ARHGEF18: variants seen among roughly 807,000 people sequenced by gnomAD.
ARHGEF18 encodes rho guanine nucleotide exchange factor 18.
Under a neutral mutation model 155.7 loss-of-function variants are expected in ARHGEF18, and 93 were observed. That is an observed-to-expected ratio of 0.60 (90% confidence interval 0.50 to 0.71). ARHGEF18 has a LOEUF of 0.71. Ranked by LOEUF, ARHGEF18 falls within the 30% of genes least tolerant of loss-of-function variation. ARHGEF18 has a pLI of 0.00. For missense variants in ARHGEF18, 1,593 were observed against 1,816.1 expected, an observed-to-expected ratio of 0.88 and a Z score of 2.23; for synonymous variants, 742 against 753.1, an observed-to-expected ratio of 0.99 and a Z score of 0.24.
chr19:7,418,043 G>A (rs892875338), intron 10 of ARHGEF18, among the ~76,000 whole-genome samples: 10 of 152,222 alleles, frequency 6.6e-5, no homozygotes, highest in African/African-American at 2.4e-4. Context: ...GGTTCCTGGG[G>A]AAGGTGGGGG....
rs371027541 is a variant in ARHGEF18 at position 7,435,914 on chromosome 19, GC to G, written c.968-4427del. Among the ~76,000 whole-genome samples, 50 of 151,238 alleles carry G rather than the reference GC, an allele frequency of 3.3e-4. No homozygotes were observed. The East Asian group carries it at 4.6e-3, about 14-fold the overall frequency. ...AGTGGGGCAGTCATAGCTCACCACA[GC>G]CCTGAACCCCAGGGCTCAAGCAATT... On this transcript the variant is annotated intron_variant, in intron 10 of 28. Coordinates refer to ENST00000668164, the MANE Select transcript of ARHGEF18 (RefSeq NM_001367823.1).
chr19:7,450,354 G>A (rs62109771), intron 15 of ARHGEF18, among the ~76,000 whole-genome samples: 303 of 2,038 alleles, frequency 0.15, no homozygotes, highest in Admixed American at 0.19. Flanking sequence ...ATGTTAATGC[G>A]GGATCTTGCT....
At position 7,362,068 on chromosome 19, in the gene ARHGEF18, AAGG is replaced by A. The variant is rs1196619160; in HGVS notation, c.-110-710_-110-708del. Among the ~76,000 whole-genome samples the A allele has an allele frequency of 7.3e-4, 22 of 30,112 alleles. 3 individuals carry two copies. In the East Asian group the frequency reaches 8.4e-3, roughly 11 times the overall value. The allele number at this position is 30,112 out of a possible 152,430, so 19.8% of individuals were successfully genotyped here. ...GAAGGAGAAGGAGAAGGAGAAGGAGAAGGAGAAGGAGAAGGAGAAGGAGAAGGA... is the reference window on the plus strand; with the variant it reads ...GAAGGAGAAGGAGAAGGAGAAGGAGAAGAAGGAGAAGGAGAAGGAGAAGGA... On this transcript the variant is annotated intron_variant, in intron 1 of 28. Transcript: ENST00000668164.
intron 10 of ARHGEF18, among the ~76,000 whole-genome samples, chr19:7,438,498 A>T (rs1600441262): frequency 6.8e-6 from 1 of 147,172 alleles, no homozygotes. Flanking sequence ...CACAACCTCC[A>T]CCTCCGGGGT....
intron 10 of ARHGEF18, among the ~76,000 whole-genome samples, chr19:7,431,596 A>G (rs1237840280): frequency 2.0e-5 from 3 of 151,010 alleles, no homozygotes; most frequent in African/African-American, 7.3e-5. Flanking sequence ...CGGGTGGATC[A>G]CCTGAGGTCG....
chr19:7,371,568 C>A (rs1170106538), intron 2 of ARHGEF18, among the ~76,000 whole-genome samples: 1 of 152,026 alleles, frequency 6.6e-6, no homozygotes, highest in Non-Finnish European at 1.5e-5. Context: ...TGTCTGTAGC[C>A]CCAGCATCTT....
At chr19:7,358,236 T>TCCATCCATCCAA (rs1568261540) in intron 1 of ARHGEF18, among the ~76,000 whole-genome samples, 2 of 130,644 alleles carry the variant, frequency 1.5e-5, no homozygotes, top group Non-Finnish European at 3.0e-5. Context: ...CATCCATCCA[T>TCCATCCATCCAA]CCATCCACCC....
chr19:7,360,475 A>T lies in ARHGEF18; in HGVS notation c.-110-2306A>T, dbSNP rs1042115870. 2.0e-5 allele frequency among the ~76,000 whole-genome samples: 3 copies of T among 152,246 alleles called. No individual in the cohort carries two copies. In the East Asian group the frequency reaches 5.8e-4, roughly 29 times the overall value. The stretch of plus-strand genomic sequence containing the variant: ...GGTCTCAAACTCCTCACCTCAAGTG[A>T]TCCGCCTTCCTCGGCCTCCCAAAGT... On this transcript the variant is annotated intron_variant, in intron 1 of 28. Coordinates refer to ENST00000668164, the MANE Select transcript of ARHGEF18 (RefSeq NM_001367823.1).
At position 7,470,342 on chromosome 19, in the gene ARHGEF18, A is replaced by G; in HGVS notation, c.*44A>G. 7.4e-7 allele frequency: 1 copy of G among 1,358,536 alleles called. No homozygotes were observed. The highest frequency in any genetic ancestry group is 2.9e-5 in the Admixed American group (1 of 34,438). The allele number at this position is 1,358,536 out of a possible 1,614,324, so 84.2% of individuals were successfully genotyped here. A position where few individuals can be genotyped will look rare whatever the true frequency, so the allele number is the denominator to read the frequency against. On this transcript the variant is annotated 3_prime_UTR_variant, in exon 29 of 29. Coordinates refer to ENST00000668164, the MANE Select transcript of ARHGEF18 (RefSeq NM_001367823.1). This position sits in a 1 kb window ranked among gnomAD's most constrained non-coding sequence, Gnocchi z 5.9. ...TGCAAGGCCCCTCCCTGCCCTGCCC[A>G]CCCTTCCTGCTCTCTGGGGACCCCC...
intron 10 of ARHGEF18, among the ~76,000 whole-genome samples, chr19:7,426,496 A>AAAG (rs1454757845): frequency 6.6e-6 from 1 of 151,532 alleles, no homozygotes; most frequent in Admixed American, 6.6e-5. Flanking sequence ...CAAAAAAAAA[A>AAAG]AAAAAAGAAA....
chr19:7,386,918 C>T (rs1971114001), intron 10 of ARHGEF18, among the ~76,000 whole-genome samples: 1 of 152,156 alleles, frequency 6.6e-6, no homozygotes, highest in East Asian at 1.9e-4. Context: ...ACAGTTCCTG[C>T]CTTCCAGCTG....
At chr19:7,461,861 C>G (rs1451223836) in intron 20 of ARHGEF18, among the ~76,000 whole-genome samples, 1 of 152,120 alleles carries the variant, frequency 6.6e-6, no homozygotes, top group Non-Finnish European at 1.5e-5. Flanking sequence ...TTATGTTGTC[C>G]AGGCTGGTCT....
chr19:7,407,667 C>G (rs1197141131), intron 10 of ARHGEF18, among the ~76,000 whole-genome samples: 1 of 151,948 alleles, frequency 6.6e-6, no homozygotes, highest in Non-Finnish European at 1.5e-5. Context: ...CCAGAACAAA[C>G]CAATTAGATA....
chr19:7,365,351 C>T (rs1484999243), intron 2 of ARHGEF18, among the ~76,000 whole-genome samples: 1 of 152,136 alleles, frequency 6.6e-6, no homozygotes, highest in Non-Finnish European at 1.5e-5. Context: ...CGCTTGAACC[C>T]AGGAGGTGGG....
At position 7,362,894 on chromosome 19, in the gene ARHGEF18, G is replaced by C; in HGVS notation, c.4G>C (p.Gly2Arg). M[G>R]DDQEDDFPRR... ...GAACCCAGACTTCTTCTCTGCCATGGGGGATGATCAGGCAGGTGTCTGACT... is the reference window on the plus strand; with the variant it reads ...GAACCCAGACTTCTTCTCTGCCATGCGGGATGATCAGGCAGGTGTCTGACT... The change falls in exon 2 of 29, where the codon GGG becomes CGG. Residue 2 changes from glycine (G) to arginine (R), a missense_variant. Gly to Arg is a moderately radical substitution (Grantham distance 125, BLOSUM62 -2). Transcript: ENST00000668164. The C allele has an allele frequency of 8.1e-7, 1 of 1,234,344 alleles. No homozygotes were observed. The highest frequency in any genetic ancestry group is 1.0e-6 in the Non-Finnish European group (1 of 988,178). The allele number at this position is 1,234,344 out of a possible 1,614,324, so 76.5% of individuals were successfully genotyped here.
chr19:7,473,735 A>G (rs150496815), downstream of ARHGEF18, among the ~76,000 whole-genome samples: 7,529 of 148,072 alleles, frequency 0.051, 245 homozygotes, highest in South Asian at 0.12. Flanking sequence ...GCGTGAACCC[A>G]GGAGGCGGAG....
At chr19:7,458,838 A>G (rs1374696052) in intron 19 of ARHGEF18, 148 bp downstream of exon 19, 3 of 987,688 alleles carry the variant, frequency 3.0e-6, no homozygotes, top group Non-Finnish European at 4.2e-6. Flanking sequence ...CCTTCTGATG[A>G]CTCAACCTGT....
At chr19:7,386,609 T>G (rs1392584589) in intron 10 of ARHGEF18, among the ~76,000 whole-genome samples, 1 of 151,282 alleles carries the variant, frequency 6.6e-6, no homozygotes, top group Non-Finnish European at 1.5e-5. Context: ...AGGTCGTAGG[T>G]GGAAAGGTCC....
At chr19:7,357,097 C>T (rs976406212) in intron 1 of ARHGEF18, among the ~76,000 whole-genome samples, 4 of 152,122 alleles carry the variant, frequency 2.6e-5, no homozygotes, top group Non-Finnish European at 5.9e-5. Flanking sequence ...AGAGGTTGAG[C>T]GACTTGCTCG....
Sources: gnomAD v4.1 joint callset for allele counts (sites outside exome capture counted in the v4.1 genomes callset) on GRCh38, gnomAD v4.1.1 for gene constraint, Gnocchi (gnomAD v3.1) non-coding constraint, MANE v1.5 for transcripts, NCBI Gene and HGNC (gene_info 2026-07-23, HGNC 2026-07-21) for gene names.